Variants in DAB1 observed in about 807,000 individuals in gnomAD.
DAB1 encodes the protein disabled homolog 1.
In DAB1, 15 loss-of-function variants were observed where a neutral mutation model predicts 64.6. That is an observed-to-expected ratio of 0.23 (90% CI 0.16 to 0.36). The LOEUF (loss-of-function observed/expected upper bound fraction) is 0.36. DAB1 is among the 10% of genes least tolerant of loss of function. The pLI is 1.00. For missense variants in DAB1, 596 were observed against 706.7 expected, an observed-to-expected ratio of 0.84 and a Z score of 1.78; for synonymous variants, 235 against 251.9, an observed-to-expected ratio of 0.93 and a Z score of 0.64.
chr1:58,433,590 A>T (rs1338918986), intron 3 of DAB1, among the ~76,000 whole-genome samples: 2 of 108,504 alleles, frequency 1.8e-5, no homozygotes, highest in Non-Finnish European at 3.5e-5. Flanking sequence ...AGAGAGAGAG[A>T]GAGAGAGTGT....
chr1:58,422,921 C>A (rs1171387430), intron 3 of DAB1, among the ~76,000 whole-genome samples: 1 of 152,138 alleles, frequency 6.6e-6, no homozygotes, highest in Non-Finnish European at 1.5e-5. Flanking sequence ...ATCTGATTGG[C>A]CAAACTCCAA....
At chr1:57,682,077 A>G (rs1646642358) in intron 6 of DAB1, among the ~76,000 whole-genome samples, 1 of 152,160 alleles carries the variant, frequency 6.6e-6, no homozygotes, top group African/African-American at 2.4e-5. Context: ...GCTGAGGAAC[A>G]CCAGCAACAA....
At chr1:58,272,880 T>G (rs1190716313) in intron 4 of DAB1, among the ~76,000 whole-genome samples, 1 of 122,266 alleles carries the variant, frequency 8.2e-6, no homozygotes, top group Non-Finnish European at 1.7e-5. Context: ...TCCTCCATCC[T>G]TTTATTTTGA....
At chr1:57,709,696 G>A (rs1195513557) in intron 6 of DAB1, among the ~76,000 whole-genome samples, 1 of 152,160 alleles carries the variant, frequency 6.6e-6, no homozygotes, top group Non-Finnish European at 1.5e-5. Context: ...AGGAGGTGGT[G>A]TCTGACTTAC....
At chr1:57,624,693 A>G (rs550739911) in intron 7 of DAB1, among the ~76,000 whole-genome samples, 111 of 152,360 alleles carry the variant, frequency 7.3e-4, no homozygotes, top group African/African-American at 2.6e-3. Context: ...ATGCTTTCTA[A>G]TAAGCCACAT....
intron 4 of DAB1, among the ~76,000 whole-genome samples, chr1:58,314,379 A>G (rs140333747): frequency 6.6e-6 from 1 of 152,214 alleles, no homozygotes; most frequent in African/African-American, 2.4e-5. Context: ...TCAGTTGGCC[A>G]TGCATCTGGC....
chr1:58,040,439 C>A (rs557030961), intron 5 of DAB1, among the ~76,000 whole-genome samples: 2 of 152,296 alleles, frequency 1.3e-5, no homozygotes, highest in Admixed American at 1.3e-4. Flanking sequence ...GCATCCAAGA[C>A]GCAGCAGAAA....
At chr1:58,367,531 C>T (rs1357014552) in intron 3 of DAB1, among the ~76,000 whole-genome samples, 1 of 152,172 alleles carries the variant, frequency 6.6e-6, no homozygotes, top group African/African-American at 2.4e-5. Context: ...AATCTATAAA[C>T]AGCAGAGACC....
chr1:57,040,224 A>C (rs950548981), intron 9 of DAB1, among the ~76,000 whole-genome samples: 1 of 152,038 alleles, frequency 6.6e-6, no homozygotes, highest in Admixed American at 6.5e-5. Context: ...ATATATTTTG[A>C]GCTGGTGTCA....
chr1:57,460,989 C>A (rs1373618497), intron 7 of DAB1, among the ~76,000 whole-genome samples: 2 of 152,178 alleles, frequency 1.3e-5, no homozygotes, highest in Non-Finnish European at 2.9e-5. Flanking sequence ...TACCTGTCAA[C>A]CCATCACCTA....
intron 5 of DAB1, among the ~76,000 whole-genome samples, chr1:57,907,838 CATT>C (rs1644576609): frequency 1.8e-5 from 2 of 112,980 alleles, no homozygotes; most frequent in African/African-American, 4.3e-5. Context: ...CATCAGAGAG[CATT>C]ACATAAACCT....
At chr1:58,048,205 G>A (rs1469685077) in intron 5 of DAB1, 8 of 1,279,362 alleles carry the variant, frequency 6.3e-6, no homozygotes, top group Non-Finnish European at 9.0e-6. Context: ...CACAGCTACT[G>A]CTGCTACTGG....
chr1:57,303,266 G>C (rs560431487), intron 1 of DAB1, among the ~76,000 whole-genome samples: 1 of 152,260 alleles, frequency 6.6e-6, no homozygotes, highest in African/African-American at 2.4e-5. Flanking sequence ...CCCCACAGAT[G>C]CCTCCTCCCT....
At chr1:57,036,363 G>A (rs1647150560) in intron 9 of DAB1, among the ~76,000 whole-genome samples, 1 of 151,920 alleles carries the variant, frequency 6.6e-6, no homozygotes, top group Non-Finnish European at 1.5e-5. Flanking sequence ...TTTACCTTGT[G>A]TCTACCTTAC....
intron 5 of DAB1, among the ~76,000 whole-genome samples, chr1:58,007,395 T>C (rs1468779174): frequency 6.6e-6 from 1 of 152,220 alleles, no homozygotes; most frequent in Non-Finnish European, 1.5e-5. Flanking sequence ...CTGCTAATTA[T>C]TCTTTCAAGC....
chr1:57,967,453 G>A (rs1645695061), intron 5 of DAB1, among the ~76,000 whole-genome samples: 1 of 152,140 alleles, frequency 6.6e-6, no homozygotes, highest in African/African-American at 2.4e-5. Flanking sequence ...AGGTATACCT[G>A]AATTGGATCC....
chr1:57,398,550 G>A (rs911295505), intron 1 of DAB1, among the ~76,000 whole-genome samples: 1 of 152,226 alleles, frequency 6.6e-6, no homozygotes, highest in Non-Finnish European at 1.5e-5. Context: ...GAGACAGTCA[G>A]TATGTTAAAT....
chr1:57,622,433 T>TTGATGATA (rs1380761359), intron 7 of DAB1, among the ~76,000 whole-genome samples: 1 of 152,228 alleles, frequency 6.6e-6, no homozygotes, highest in Non-Finnish European at 1.5e-5. Flanking sequence ...ATATTAAATG[T>TTGATGATA]TGATGATAGT....
intron 6 of DAB1, among the ~76,000 whole-genome samples, chr1:57,746,851 G>A (rs1358326167): frequency 6.6e-6 from 1 of 151,488 alleles, no homozygotes; most frequent in East Asian, 1.9e-4. Context: ...CATGGATATG[G>A]AGGGCTAAGA....
Sources: gnomAD v4.1 joint callset for allele counts (sites outside exome capture counted in the v4.1 genomes callset) on GRCh38, gnomAD v4.1.1 for gene constraint, MANE v1.5 for transcripts, NCBI Gene and HGNC (gene_info 2026-07-23, HGNC 2026-07-21) for gene names.